MYH6: variants seen among roughly 807,000 people sequenced by gnomAD.
The protein encoded by MYH6 is myosin heavy chain 6.
Under a neutral mutation model 223.2 loss-of-function variants are expected in MYH6, and 126 were observed. The observed-to-expected ratio is 0.56, with a 90% CI of 0.49 to 0.65. The LOEUF (loss-of-function observed/expected upper bound fraction) is 0.65, where lower values mean the gene tolerates loss of function less well. Among genes scored for constraint, MYH6 ranks in the 30% least tolerant of loss-of-function variants. The pLI, the probability that MYH6 is intolerant of heterozygous loss-of-function variation, is 0.00. For synonymous variants in MYH6, 978 were observed against 1,010.2 expected (o/e 0.97, Z 0.61); for missense variants, 2,040 against 2,536.4 (o/e 0.80, Z 4.20).
At position 23,388,902 on chromosome 14, in the gene MYH6, C is replaced by A; in HGVS notation, c.4132G>T (p.Glu1378Ter). ...TCAGTCCGCTGAATGGCGTCCGTCT[C>A]ATACTTGGTCCTCCACTGGGCCACC... ...SEVAQWRTKY[E>*]TDAIQRTEEL... The change falls in exon 29 of 39, where the codon GAG (glutamate) becomes TAG (stop). Residue 1378 changes from glutamate to a stop codon, truncating the protein, a stop_gained. Transcript: ENST00000405093. LOFTEE classifies it high-confidence loss of function. 6 of 1,613,824 alleles carry A rather than the reference C, an allele frequency of 3.7e-6. No homozygotes were observed. Among genetic ancestry groups the A allele is most frequent in the Non-Finnish European group, 5.1e-6 (6 of 1,180,052 alleles).
At chr14:23,389,294 G>A in intron 28 of MYH6, 99 bp downstream of exon 28, 2 of 1,387,018 alleles carry the variant, frequency 1.4e-6, no homozygotes, top group Non-Finnish European at 2.0e-6. Flanking sequence ...TCTTTCCCTT[G>A]CAGAGGACTC....
At chr14:23,402,193 C>G (rs1891622284) in intron 12 of MYH6, among the ~76,000 whole-genome samples, 1 of 152,166 alleles carries the variant, frequency 6.6e-6, no homozygotes, top group African/African-American at 2.4e-5. Flanking sequence ...TGGTGATGTG[C>G]AGAGCTCAGG....
At chr14:23,396,581 C>G in intron 19 of MYH6, 113 bp downstream of exon 19, 2 of 1,597,954 alleles carry the variant, frequency 1.3e-6, no homozygotes, top group Non-Finnish European at 1.7e-6. Flanking sequence ...GGTTTCAGCC[C>G]TTGATAAGGT....
In MYH6 at chr14:23,407,451, G is replaced by T; in HGVS notation, c.-14+125C>A. The T allele has an allele frequency of 8.6e-7, 1 of 1,163,196 alleles. No homozygotes were observed. Among genetic ancestry groups the T allele is most frequent in the South Asian group, 1.6e-5 (1 of 62,396 alleles). The allele number at this position is 1,163,196 out of a possible 1,614,324, so 72.1% of individuals were successfully genotyped here. A position where few individuals can be genotyped will look rare whatever the true frequency, so the allele number is the denominator to read the frequency against. On this transcript the variant is annotated intron_variant, in intron 2 of 38. Transcript: ENST00000405093. This position sits in a 1 kb window ranked among gnomAD's most constrained non-coding sequence, Gnocchi z 5.6. ...CTCTGTAAGGGGTTTCCCTGGGGTG[G>T]CATTGGCTGGAGTATGCTAAGGGTT...
In MYH6 at chr14:23,398,757, A is replaced by T. The variant is rs761957649; in HGVS notation, c.1862T>A (p.Leu621His). The change falls in exon 15 of 39, where the codon CTC becomes CAC. Residue 621 changes from leucine to histidine, a missense_variant. Coordinates refer to ENST00000405093, the MANE Select transcript of MYH6 (RefSeq NM_002471.4). Reference sequence around the variant, plus strand: ...ATCGGCAGTTGCGTAGGAGGAGAAGAGAGTGGCCATGAGCTTGAGGGAGGA... The same window carrying T: ...ATCGGCAGTTGCGTAGGAGGAGAAGTGAGTGGCCATGAGCTTGAGGGAGGA... ...QKSSLKLMAT[L>H]FSSYATADTG... 6.2e-6 allele frequency: 10 copies of T among 1,614,200 alleles called. No homozygotes were observed. In the Admixed American group the frequency reaches 1.7e-4, roughly 27 times the overall value.
At chr14:23,404,423 C>T (rs779190633) in intron 7 of MYH6, 35 bp from the exon 8 acceptor site, 2 of 1,609,216 alleles carry the variant, frequency 1.2e-6, no homozygotes, top group African/African-American at 1.3e-5. Flanking sequence ...GGTTCATCCT[C>T]CATCCACCTC....
rs747609177 is a variant in MYH6 at position 23,389,513 on chromosome 14, T to G, written c.3860-2A>C. 1.2e-6 allele frequency: 2 copies of G among 1,614,214 alleles called. No individual in the cohort carries two copies. The highest frequency in any genetic ancestry group is 8.5e-7 in the Non-Finnish European group (1 of 1,180,040). On this transcript the variant is annotated splice_acceptor_variant, in intron 27 of 38. Coordinates refer to ENST00000405093, the MANE Select transcript of MYH6 (RefSeq NM_002471.4). LOFTEE classifies it high-confidence loss of function. ...CCTCTAGCTGCCGGGCCAACTCTCC[T>G]GGAGGTGAAATGAGGGGCTTGTGGG...
At position 23,400,242 on chromosome 14, in the gene MYH6, G is replaced by A. The variant is rs548266405; in HGVS notation, c.1581+14C>T. ...GCAGAGGAGGGGGCATAGGTGGTGAGGCCAAGGAGGCACCTTCTCGATGAG... is the reference window on the plus strand; with the variant it reads ...GCAGAGGAGGGGGCATAGGTGGTGAAGCCAAGGAGGCACCTTCTCGATGAG... On this transcript the variant is annotated intron_variant, in intron 14 of 38. Coordinates refer to ENST00000405093, the MANE Select transcript of MYH6 (RefSeq NM_002471.4). 2 of 1,614,218 alleles carry A rather than the reference G, an allele frequency of 1.2e-6. No homozygotes were observed. Among genetic ancestry groups the A allele is most frequent in the East Asian group, 2.2e-5 (1 of 44,872 alleles).
At position 23,387,903 on chromosome 14, in the gene MYH6, C is replaced by T; in HGVS notation, c.4380G>A (p.Gln1460=). Residue 1460 remains glutamine (Q), a synonymous_variant, in exon 31 of 39, where the codon CAG becomes CAA. Coordinates refer to ENST00000405093, the MANE Select transcript of MYH6 (RefSeq NM_002471.4). ...NFDKILAEWK[Q]KYEESQSELE... ...GCTCAGACTGCGACTCCTCATACTT[C>T]TGCTTCCACTCGGCCAGGATCTGCC... 1 of 1,613,970 alleles carries T rather than the reference C, an allele frequency of 6.2e-7. No individual in the cohort carries two copies. Among genetic ancestry groups the T allele is most frequent in the South Asian group, 1.1e-5 (1 of 91,084 alleles).
rs76415592 is a variant in MYH6 at position 23,408,171 on chromosome 14, C to T, written c.-47+82G>A. ...CCTTAGGCCTCCAACTGACCTGCAC[C>T]CCACTCCTGGTGAAGGAGGTCCCTC... On this transcript the variant is annotated intron_variant, in intron 1 of 38. Transcript: ENST00000405093. The T allele has an allele frequency of 9.7e-4, 915 of 941,680 alleles. 10 individuals are homozygous for T. The African/African-American group carries it at 0.015, about 16-fold the overall frequency. 58.3% of individuals were successfully genotyped at this position (941,680 alleles called of 1,614,324 possible).
At chr14:23,382,604 G>A (rs1890894208) in intron 37 of MYH6, 42 bp from the exon 38 acceptor site, 1 of 1,613,976 alleles carries the variant, frequency 6.2e-7, no homozygotes, top group South Asian at 1.1e-5. Flanking sequence ...GCTGGAGATG[G>A]GCTATGGGAT....
At chr14:23,383,073 A>G in intron 37 of MYH6, 152 bp downstream of exon 37, 1 of 751,654 alleles carries the variant, frequency 1.3e-6, no homozygotes, top group South Asian at 1.5e-5. Flanking sequence ...AGAACACCTG[A>G]CAGCTCTGAG....
intron 24 of MYH6, 75 bp from the exon 25 acceptor site, chr14:23,392,727 T>C (rs911963156): frequency 1.4e-6 from 2 of 1,409,668 alleles, no homozygotes; most frequent in Non-Finnish European, 2.0e-6. Flanking sequence ...TTCTTGGCCT[T>C]AGTATGCCAG....
At chr14:23,384,310 A>G (rs1890949534) in intron 36 of MYH6, 132 bp downstream of exon 36, 1 of 1,404,088 alleles carries the variant, frequency 7.1e-7, no homozygotes, top group South Asian at 1.2e-5. Context: ...AACTGACTGC[A>G]GAGCGTGAGA....
chr14:23,403,865 G>T (rs1891691824), intron 8 of MYH6, 87 bp from the exon 9 acceptor site: 2 of 1,232,116 alleles, frequency 1.6e-6, no homozygotes, highest in African/African-American at 3.0e-5. Context: ...AGCCCTGGAT[G>T]GTTCTGGAAA....
In MYH6 at chr14:23,384,678, T is replaced by C. The variant is rs1890965069; in HGVS notation, c.5329A>G (p.Thr1777Ala). ...TTCATGCGCTCCAGGTGGGCGCTGG[T>C]GTCCTGCTCCTTCTTCAGCTCCTCT... ...MAEELKKEQDTSAHLERMKKN... is the reference protein window; with the variant it reads ...MAEELKKEQDASAHLERMKKN... Residue 1777 changes from threonine (T) to alanine (A), a missense_variant, in exon 36 of 39, where the codon ACC becomes GCC. Thr to Ala is a moderately conservative substitution (Grantham distance 58, BLOSUM62 0). Transcript: ENST00000405093. 6.2e-7 allele frequency: 1 copy of C among 1,614,112 alleles called. No homozygotes were observed. The highest frequency in any genetic ancestry group is 8.5e-7 in the Non-Finnish European group (1 of 1,180,052).
At position 23,387,585 on chromosome 14, in the gene MYH6, G is replaced by C. The variant is rs201827489; in HGVS notation, c.4594C>G (p.Arg1532Gly). Residue 1532 changes from arginine to glycine, a missense_variant, in exon 32 of 39, where the codon CGC becomes GGC. Arg to Gly is a moderately radical substitution (Grantham distance 125, BLOSUM62 -2). Around this residue, in one of 4 missense-constraint regions of MYH6, gnomAD observed 1,203 missense variants for 1,400.2 expected, o/e 0.86. Transcript: ENST00000405093. ...AGCTTCTCCACCTCCAGCTGTTTGC[G>C]GACCTTCTCCAGCTCATGCACATTC... is the stretch of plus-strand genomic sequence containing the variant. ...GKNVHELEKV[R>G]KQLEVEKLEL... is the part of the protein sequence containing the mutation. The C allele has an allele frequency of 4.2e-5, 68 of 1,613,936 alleles. No individual in the cohort carries two copies. Among genetic ancestry groups the C allele is most frequent in the Non-Finnish European group, 5.7e-5 (67 of 1,180,014 alleles).
intron 15 of MYH6, among the ~76,000 whole-genome samples, chr14:23,398,503 A>G (rs552775270): frequency 4.7e-4 from 72 of 152,214 alleles, no homozygotes; most frequent in Non-Finnish European, 8.2e-4. Context: ...GTTACTCCCC[A>G]TCTTGAGGAA....
At position 23,383,339 on chromosome 14, in the gene MYH6, G is replaced by GGGGGGGCGCCCCCCCCCC; in HGVS notation, c.5566-20_5566-19insGGGGGGGGGGCGCCCCCC. 9.2e-6 allele frequency: 1 copy of GGGGGGGCGCCCCCCCCCC among 108,202 alleles called. No homozygotes were observed. Among genetic ancestry groups the GGGGGGGCGCCCCCCCCCC allele is most frequent in the East Asian group, 2.3e-4 (1 of 4,410 alleles). 6.7% of individuals were successfully genotyped at this position (108,202 alleles called of 1,614,324 possible). ...CCTCTGTCTGGGGGTGGGAGGGTGG[G>GGGGGGGCGCCCCCCCCCC]AGAAGCTGGTTTGGAGGGGGAGCAA... is the stretch of plus-strand genomic sequence containing the variant. On this transcript the variant is annotated intron_variant, in intron 36 of 38. Coordinates refer to ENST00000405093, the MANE Select transcript of MYH6 (RefSeq NM_002471.4).
Sources: allele counts gnomAD v4.1 joint callset (sites outside exome capture counted in the v4.1 genomes callset), GRCh38; gene constraint gnomAD v4.1.1; regional missense constraint gnomAD v4.1.1; non-coding constraint Gnocchi (gnomAD v3.1); transcripts MANE v1.5; gene names NCBI Gene and HGNC (gene_info 2026-07-23, HGNC 2026-07-21).